GRB14: variants seen among roughly 807,000 people sequenced by gnomAD.
The protein encoded by GRB14 is growth factor receptor-bound protein 14.
GRB14 carries 38 observed loss-of-function variants against 69.1 expected under a neutral mutation model. The ratio of observed to expected loss-of-function variants is 0.55; its 90% CI spans 0.42 to 0.72. The LOEUF is 0.72. GRB14 is among the 30% of genes least tolerant of loss of function. GRB14 has a pLI of 0.00. For missense variants in GRB14, 666 were observed against 666.1 expected (o/e 1.00, Z 0.00); for synonymous variants, 247 against 241.3 (o/e 1.02, Z -0.22).
chr2:164,511,135 G>A (rs1177403824), intron 6 of GRB14, among the ~76,000 whole-genome samples: 4 of 152,208 alleles, frequency 2.6e-5, no homozygotes, highest in East Asian at 1.9e-4. Context: ...TCCCAACTGC[G>A]GACTAAACTG....
chr2:164,493,205 T>TAA, intron 13 of GRB14, 23 bp from the exon 14 acceptor site: 2 of 1,604,048 alleles, frequency 1.2e-6, no homozygotes, highest in Non-Finnish European at 1.7e-6. Flanking sequence ...AAGCAACAAA[T>TAA]AAGTAAAGAG....
chr2:164,595,779 C>A (rs776158320), intron 2 of GRB14, among the ~76,000 whole-genome samples: 10 of 152,102 alleles, frequency 6.6e-5, no homozygotes, highest in Non-Finnish European at 1.3e-4. Context: ...CAGTTGGTGG[C>A]ACTTAGAGAC....
At chr2:164,541,618 A>G (rs1008401009) in intron 3 of GRB14, among the ~76,000 whole-genome samples, 1 of 151,918 alleles carries the variant, frequency 6.6e-6, no homozygotes, top group Non-Finnish European at 1.5e-5. Flanking sequence ...CTCTAAAAAA[A>G]ATTAAATAAA....
intron 2 of GRB14, among the ~76,000 whole-genome samples, chr2:164,552,314 C>A (rs748476512): frequency 6.6e-6 from 1 of 152,096 alleles, no homozygotes; most frequent in African/African-American, 2.4e-5. Flanking sequence ...AGGAACCTAC[C>A]CCAGGGTGAT....
intron 3 of GRB14, among the ~76,000 whole-genome samples, chr2:164,542,422 G>A (rs1688265165): frequency 6.6e-6 from 1 of 152,164 alleles, no homozygotes; most frequent in Admixed American, 6.5e-5. Context: ...AAACTAAAGA[G>A]CTTCTGAACA....
Position 164,492,983 on chromosome 2 carries a change from AT to A in GRB14, c.*52del. On this transcript the variant is annotated 3_prime_UTR_variant, in exon 14 of 14. Coordinates refer to ENST00000263915, the MANE Select transcript of GRB14 (RefSeq NM_004490.3). ...TCGCCCTTATTTATGGTCTTTTATT[AT>A]TTTTCTTGAGTCCTTTTCCTTCAAT... is the stretch of plus-strand genomic sequence containing the variant. 2 of 1,515,286 alleles carry A rather than the reference AT, an allele frequency of 1.3e-6. 1 individual carries two copies. Among genetic ancestry groups the A allele is most frequent in the South Asian group, 2.5e-5 (2 of 79,294 alleles). 93.9% of individuals were successfully genotyped at this position (1,515,286 alleles called of 1,614,324 possible). A position where few individuals can be genotyped will look rare whatever the true frequency, so the allele number is the denominator to read the frequency against.
intron 2 of GRB14, among the ~76,000 whole-genome samples, chr2:164,558,649 G>A (rs1383807857): frequency 6.6e-6 from 1 of 152,186 alleles, no homozygotes; most frequent in East Asian, 1.9e-4. Context: ...CATATTTAAA[G>A]CAGAATACCA....
intron 2 of GRB14, among the ~76,000 whole-genome samples, chr2:164,560,598 A>G (rs1688798513): frequency 6.6e-6 from 1 of 152,124 alleles, no homozygotes; most frequent in Non-Finnish European, 1.5e-5. Flanking sequence ...TTGGGGGGGC[A>G]TATGTATATA....
chr2:164,502,203 TA>T, intron 9 of GRB14, 51 bp downstream of exon 9: 1 of 871,198 alleles, frequency 1.1e-6, no homozygotes, highest in Non-Finnish European at 2.0e-6. Flanking sequence ...TAATTTAAAT[TA>T]ATATAATGTG....
At chr2:164,538,643 G>T (rs1222278079) in intron 3 of GRB14, among the ~76,000 whole-genome samples, 2 of 152,130 alleles carry the variant, frequency 1.3e-5, no homozygotes, top group Non-Finnish European at 2.9e-5. Flanking sequence ...ATATTTAGTT[G>T]TCTTCCATGA....
intron 2 of GRB14, among the ~76,000 whole-genome samples, chr2:164,582,704 C>T (rs972973621): frequency 1.3e-5 from 2 of 152,164 alleles, no homozygotes; most frequent in African/African-American, 4.8e-5. Flanking sequence ...CAGGCGTGAG[C>T]CACCGCACCC....
intron 3 of GRB14, among the ~76,000 whole-genome samples, chr2:164,541,796 G>A (rs1215366592): frequency 1.3e-5 from 2 of 151,464 alleles, no homozygotes; most frequent in African/African-American, 2.4e-5. Context: ...GGATACAATC[G>A]CACCCGTCAC....
chr2:164,533,393 C>T lies in GRB14; in HGVS notation c.482-6258G>A, dbSNP rs539748593. 2.6e-5 allele frequency among the ~76,000 whole-genome samples: 4 copies of T among 151,994 alleles called. No individual in the cohort carries two copies. The South Asian group carries it at 8.3e-4, about 32-fold the overall frequency. The stretch of plus-strand genomic sequence containing the variant: ...GACTACAGGCACCCGCCACTGCGCC[C>T]GGCTAATTTTTCCTATTTTTAGTAG... On this transcript the variant is annotated intron_variant, in intron 3 of 13. Coordinates refer to ENST00000263915, the MANE Select transcript of GRB14 (RefSeq NM_004490.3).
At chr2:164,607,690 T>A (rs1690072736) in intron 2 of GRB14, among the ~76,000 whole-genome samples, 1 of 152,206 alleles carries the variant, frequency 6.6e-6, no homozygotes, top group Non-Finnish European at 1.5e-5. Flanking sequence ...CCCAGATTCA[T>A]TCATTTTATC....
Position 164,599,472 on chromosome 2 carries a change from C to T in GRB14, c.324+20215G>A, listed in dbSNP as rs544231811. On this transcript the variant is annotated intron_variant, in intron 2 of 13. Coordinates refer to ENST00000263915, the MANE Select transcript of GRB14 (RefSeq NM_004490.3). ...CATTACTCTATCCAATGTTTCATAG[C>T]AGAAACTGAAGAGATAAAAAAGAAT... 4.6e-4 allele frequency among the ~76,000 whole-genome samples: 70 copies of T among 152,240 alleles called. No homozygotes were observed. The Middle Eastern group carries it at 0.02, about 44-fold the overall frequency.
intron 1 of GRB14, chr2:164,620,083 C>CCG (rs1690417250): frequency 8.3e-6 from 2 of 239,546 alleles, no homozygotes; most frequent in Admixed American, 6.3e-5. Flanking sequence ...ACCCCTCCCC[C>CCG]CCCCACCGCC....
At chr2:164,619,867 A>T in intron 1 of GRB14, 48 bp from the exon 2 acceptor site, 1 of 1,491,128 alleles carries the variant, frequency 6.7e-7, no homozygotes, top group Non-Finnish European at 9.3e-7. Flanking sequence ...CAGAATGTAA[A>T]ATATAATTGC....
At chr2:164,548,880 A>AT (rs774819784) in intron 2 of GRB14, among the ~76,000 whole-genome samples, 7 of 151,018 alleles carry the variant, frequency 4.6e-5, no homozygotes, top group East Asian at 1.9e-4. Flanking sequence ...TGCTTTTTTT[A>AT]TTTTTTTTGA....
chr2:164,568,889 C>T (rs1229492073), intron 2 of GRB14, among the ~76,000 whole-genome samples: 1 of 152,006 alleles, frequency 6.6e-6, no homozygotes, highest in Non-Finnish European at 1.5e-5. Flanking sequence ...AAAAATAATC[C>T]TGAGGTTAGA....
Sources: allele counts gnomAD v4.1 joint callset (sites outside exome capture counted in the v4.1 genomes callset), GRCh38; gene constraint gnomAD v4.1.1; transcripts MANE v1.5; gene names NCBI Gene and HGNC (gene_info 2026-07-23, HGNC 2026-07-21).